Variants in TPD52L1 observed in about 807,000 individuals in gnomAD.
TPD52L1 encodes the protein tumor protein D53.
Under a neutral mutation model 28.7 loss-of-function variants are expected in TPD52L1, and 18 were observed. That is an observed-to-expected ratio of 0.63 (90% CI 0.43 to 0.93). TPD52L1 has a LOEUF of 0.93. Among genes scored for constraint, TPD52L1 ranks in the 40% least tolerant of loss-of-function variants. The probability of loss-of-function intolerance (pLI) is 0.00; values close to 1 mark genes in which losing one functional copy is unlikely to be tolerated. For missense variants in TPD52L1, 203 were observed against 254.8 expected, an observed-to-expected ratio of 0.80 and a Z score of 1.39; for synonymous variants, 75 against 88.8, an observed-to-expected ratio of 0.84 and a Z score of 0.88.
At chr6:125,231,863 A>G (rs890587637) in intron 3 of TPD52L1, among the ~76,000 whole-genome samples, 1 of 152,128 alleles carries the variant, frequency 6.6e-6, no homozygotes, top group Non-Finnish European at 1.5e-5. Context: ...ATGAAGTGAG[A>G]TCATCTTAAT....
chr6:125,192,598 C>T (rs1793124641), intron 1 of TPD52L1, among the ~76,000 whole-genome samples: 1 of 152,182 alleles, frequency 6.6e-6, no homozygotes, highest in African/African-American at 2.4e-5. Flanking sequence ...CCTAAGAAAA[C>T]CAGCATCAGT....
intron 1 of TPD52L1, among the ~76,000 whole-genome samples, chr6:125,188,682 TG>T (rs1391262944): frequency 1.3e-5 from 2 of 152,204 alleles, no homozygotes; most frequent in African/African-American, 4.8e-5. Flanking sequence ...TAAAAAATAC[TG>T]ATCACAGCAC....
chr6:125,153,774 G>A lies in TPD52L1; in HGVS notation c.-178G>A. The stretch of plus-strand genomic sequence containing the variant: ...GGACTGGAAGGGGCGGAGGTAACCA[G>A]AAGCGGCTAGTGGCGGCTGCCTGCG... On this transcript the variant is annotated 5_prime_UTR_variant, in exon 1 of 7. Transcript: ENST00000534000. 3 of 630,674 alleles carry A rather than the reference G, an allele frequency of 4.8e-6. No individual in the cohort carries two copies. The East Asian group carries it at 9.5e-5, about 20-fold the overall frequency. The allele number at this position is 630,674 out of a possible 1,614,324, so 39.1% of individuals were successfully genotyped here. A position where few individuals can be genotyped will look rare whatever the true frequency, so the allele number is the denominator to read the frequency against.
intron 4 of TPD52L1, among the ~76,000 whole-genome samples, chr6:125,248,743 T>A (rs1205880020): frequency 6.6e-6 from 1 of 152,170 alleles, no homozygotes; most frequent in Admixed American, 6.6e-5. Flanking sequence ...TGCACTCCCA[T>A]AAACTATTCT....
intron 1 of TPD52L1, among the ~76,000 whole-genome samples, chr6:125,175,019 G>A (rs1028335757): frequency 6.6e-6 from 1 of 151,480 alleles, no homozygotes; most frequent in African/African-American, 2.4e-5. Flanking sequence ...ACATATATAT[G>A]TGTGTGTGTG....
chr6:125,253,363 T>C (rs3799732), intron 4 of TPD52L1: 106,140 of 264,786 alleles, frequency 0.4, 22,423 homozygotes, highest in East Asian at 0.62. Flanking sequence ...TCCTTACTGT[T>C]TTCCTGAGCA....
At position 125,264,150 on chromosome 6, in the gene TPD52L1, TATATATC is replaced by T. The variant is rs1798201671; in HGVS notation, c.*1193_*1199del. 3 of 152,206 alleles carry T rather than the reference TATATATC, an allele frequency of 2.0e-5. No individual in the cohort carries two copies. Among genetic ancestry groups the T allele is most frequent in the South Asian group, 2.1e-4 (1 of 4,834 alleles). The allele number at this position is 152,206 out of a possible 1,614,324, so 9.4% of individuals were successfully genotyped here. On this transcript the variant is annotated 3_prime_UTR_variant, in exon 7 of 7. Transcript: ENST00000534000. ...CAGATTTCTGCACTAACTTTTATCT[TATATATC>T]ATATGTATCTCTTTTCTTTTTCTAA...
chr6:125,187,570 A>G (rs2114844720), intron 1 of TPD52L1, among the ~76,000 whole-genome samples: 1 of 152,358 alleles, frequency 6.6e-6, no homozygotes, highest in Admixed American at 6.5e-5. Context: ...TTACCATGAA[A>G]TATTCAGCAG....
rs2273561 is a variant in TPD52L1, at chr6:125,248,244, C to T, written c.285-38C>T. On this transcript the variant is annotated intron_variant, in intron 3 of 6. Transcript: ENST00000534000. ...GGAAGATGAATTGTTTATGGGAGAT[C>T]ATGATATAAAAACCATGTTGTTCTG... 1,713 of 1,503,456 alleles carry T rather than the reference C, an allele frequency of 1.1e-3. 11 individuals are homozygous for T. In the East Asian group the frequency reaches 0.019, roughly 17 times the overall value. The allele number at this position is 1,503,456 out of a possible 1,614,324, so 93.1% of individuals were successfully genotyped here.
chr6:125,241,980 A>G (rs1026773705), intron 3 of TPD52L1, among the ~76,000 whole-genome samples: 11 of 151,878 alleles, frequency 7.2e-5, no homozygotes, highest in African/African-American at 2.4e-4. Flanking sequence ...ATTTCCTCTT[A>G]GCACTGCTTT....
chr6:125,177,719 G>T (rs1791910142), intron 1 of TPD52L1, among the ~76,000 whole-genome samples: 1 of 151,970 alleles, frequency 6.6e-6, no homozygotes, highest in Non-Finnish European at 1.5e-5. Flanking sequence ...AAAGTTTCAG[G>T]TTTAGAAAAT....
rs55761249 is a variant in TPD52L1, at chr6:125,202,766, C to CTTTTTTTTTTTTT, written c.20-17308_20-17296dup. On this transcript the variant is annotated intron_variant, in intron 1 of 6. Coordinates refer to ENST00000534000, the MANE Select transcript of TPD52L1 (RefSeq NM_003287.4). ...CTGAGTGTTACATTTGGAGGTTTAT[C>CTTTTTTTTTTTTT]TTTTTTTTTTTTTTTTGAGACGGAG... Among the ~76,000 whole-genome samples, 3 of 116,448 alleles carry CTTTTTTTTTTTTT rather than the reference C, an allele frequency of 2.6e-5. 1 individual carries two copies. The highest frequency in any genetic ancestry group is 1.7e-5 in the Non-Finnish European group (1 of 60,092). The allele number at this position is 116,448 out of a possible 152,430, so 76.4% of individuals were successfully genotyped here.
chr6:125,255,805 G>T (rs1490572982), intron 5 of TPD52L1, among the ~76,000 whole-genome samples: 2 of 151,152 alleles, frequency 1.3e-5, no homozygotes, highest in African/African-American at 4.9e-5. Context: ...TGAATTATTT[G>T]ATCTGAAAAT....
chr6:125,154,090 A>G, intron 1 of TPD52L1, 120 bp downstream of exon 1: 2 of 1,434,446 alleles, frequency 1.4e-6, no homozygotes, highest in Non-Finnish European at 1.9e-6. Context: ...CACATCCAGA[A>G]CTCCACTCCC....
At chr6:125,227,322 G>A (rs964646947) in intron 2 of TPD52L1, among the ~76,000 whole-genome samples, 2 of 151,834 alleles carry the variant, frequency 1.3e-5, no homozygotes, top group Admixed American at 6.6e-5. Flanking sequence ...CACTATTGGC[G>A]CTAGTGAAAG....
rs1562409540 is a variant in TPD52L1 at position 125,260,964 on chromosome 6, GAAAGAAAGAAAGAAAAGAA to G, written c.487-1867_487-1849del. 36 of 45,236 alleles carry G rather than the reference GAAAGAAAGAAAGAAAAGAA, an allele frequency of 8.0e-4. 1 individual carries two copies. The highest frequency in any genetic ancestry group is 6.4e-3 in the African/African-American group (34 of 5,350). The allele number at this position is 45,236 out of a possible 1,614,324, so 2.8% of individuals were successfully genotyped here. A position where few individuals can be genotyped will look rare whatever the true frequency, so the allele number is the denominator to read the frequency against. ...AGAAAGAAAGAAAGAAAGAAAGAAA[GAAAGAAAGAAAGAAAAGAA>G]AAGAAAGAAAGAAAGAAAGAAAGAA... On this transcript the variant is annotated intron_variant, in intron 6 of 6. Coordinates refer to ENST00000534000, the MANE Select transcript of TPD52L1 (RefSeq NM_003287.4).
intron 3 of TPD52L1, among the ~76,000 whole-genome samples, chr6:125,239,392 G>A (rs753660666): frequency 9.2e-5 from 14 of 152,128 alleles, no homozygotes; most frequent in Non-Finnish European, 1.9e-4. Context: ...ACATGGCTGG[G>A]AATGCCTCAC....
chr6:125,165,091 T>G (rs1204227889), intron 1 of TPD52L1, among the ~76,000 whole-genome samples: 1 of 142,472 alleles, frequency 7.0e-6, no homozygotes, highest in African/African-American at 2.8e-5. Flanking sequence ...AAAAGATATA[T>G]ATATATATTT....
chr6:125,247,281 G>A (rs901647222), intron 3 of TPD52L1, among the ~76,000 whole-genome samples: 1 of 151,390 alleles, frequency 6.6e-6, no homozygotes, highest in African/African-American at 2.4e-5. Flanking sequence ...AGATTTGAGG[G>A]TTTTTTTTAA....
Sources: gnomAD v4.1 joint callset for allele counts (sites outside exome capture counted in the v4.1 genomes callset) on GRCh38, gnomAD v4.1.1 for gene constraint, MANE v1.5 for transcripts, NCBI Gene and HGNC (gene_info 2026-07-23, HGNC 2026-07-21) for gene names.